Variants in SLF2 observed in about 807,000 individuals in gnomAD.
SLF2 encodes SMC5-SMC6 complex localization factor protein 2.
A neutral mutation model predicts 124.3 loss-of-function variants in SLF2; 68 were observed. The observed-to-expected ratio is 0.55, with a 90% CI of 0.45 to 0.67. The LOEUF (loss-of-function observed/expected upper bound fraction) is 0.67. Ranked by LOEUF, SLF2 falls within the 30% of genes least tolerant of loss-of-function variation. The pLI is 0.00. For synonymous variants in SLF2, 480 were observed against 478.8 expected (o/e 1.00, Z -0.03); for missense variants, 1,246 against 1,373.7 (o/e 0.91, Z 1.47).
At chr10:100,961,469 C>A (rs1373563384) in intron 19 of SLF2, among the ~76,000 whole-genome samples, 1 of 152,178 alleles carries the variant, frequency 6.6e-6, no homozygotes, top group Admixed American at 6.5e-5. Flanking sequence ...TATTTTAAGT[C>A]TTTGAGAAAT....
At position 100,933,586 on chromosome 10, in the gene SLF2, C is replaced by CT. The variant is rs749750808; in HGVS notation, c.2436+2519dup. Among the ~76,000 whole-genome samples, 209 of 145,228 alleles carry CT rather than the reference C, an allele frequency of 1.4e-3. 1 individual carries two copies. The highest frequency in any genetic ancestry group is 3.7e-3 in the African/African-American group (146 of 39,760). On this transcript the variant is annotated intron_variant, in intron 9 of 19. Transcript: ENST00000238961. ...GTAGTAGACCAGAAAAAGGTTAGTACTTTTTTTTTTTAACAATTTTCAAAA... is the reference window on the plus strand; with the variant it reads ...GTAGTAGACCAGAAAAAGGTTAGTACTTTTTTTTTTTTAACAATTTTCAAAA...
chr10:100,955,252 TAAAAAA>T (rs756117577), intron 17 of SLF2, among the ~76,000 whole-genome samples: 1 of 142,216 alleles, frequency 7.0e-6, no homozygotes, highest in Non-Finnish European at 1.5e-5. Context: ...CCCTATCTCT[TAAAAAA>T]AAAAAAAGTC....
In SLF2 at chr10:100,931,038, A is replaced by G; in HGVS notation, c.2396A>G (p.Tyr799Cys). ...TQGFLTSAYH[Y>C]VQCPVPVLKW... The stretch of plus-strand genomic sequence containing the variant: ...GGTTTCCTTACGTCTGCTTATCACT[A>G]TGTCCAGTGTCCTGTCCCTGTGTTA... Residue 799 changes from tyrosine (Y) to cysteine (C), a missense_variant, in exon 9 of 20, where the codon TAT (tyrosine) becomes TGT (cysteine). Around this residue, in one of 3 missense-constraint regions of SLF2, gnomAD observed 535 missense variants for 632.8 expected, o/e 0.85. Transcript: ENST00000238961. 6.2e-7 allele frequency: 1 copy of G among 1,614,088 alleles called. No homozygotes were observed. The highest frequency in any genetic ancestry group is 8.5e-7 in the Non-Finnish European group (1 of 1,179,990).
chr10:100,945,252 A>G (rs1046027540), intron 12 of SLF2, 78 bp from the exon 13 acceptor site: 11 of 1,229,682 alleles, frequency 8.9e-6, no homozygotes, highest in Non-Finnish European at 1.2e-5. Context: ...TCTTTTGTCA[A>G]AAAGAGTTTA....
chr10:100,945,254 AAG>A lies in SLF2; in HGVS notation c.2758-73_2758-72del, dbSNP rs571297737. Reference sequence around the variant, plus strand: ...GTTCTTTTTTGCATCTTTTGTCAAAAAGAGTTTATAATTAAAACTCTAAAAGT... The same window carrying A: ...GTTCTTTTTTGCATCTTTTGTCAAAAAGTTTATAATTAAAACTCTAAAAGT... On this transcript the variant is annotated intron_variant, in intron 12 of 19. Coordinates refer to ENST00000238961, the MANE Select transcript of SLF2 (RefSeq NM_018121.4). The A allele has an allele frequency of 1.3e-4, 161 of 1,226,240 alleles. 2 individuals are homozygous for A. The African/African-American group carries it at 2.1e-3, about 16-fold the overall frequency. 76.0% of individuals were successfully genotyped at this position (1,226,240 alleles called of 1,614,324 possible).
intron 3 of SLF2, among the ~76,000 whole-genome samples, chr10:100,918,096 T>A (rs1338997196): frequency 6.6e-6 from 1 of 152,150 alleles, no homozygotes; most frequent in East Asian, 1.9e-4. Flanking sequence ...AAAAATACAG[T>A]GTTCTAATAT....
rs188330343 is a variant in SLF2, at chr10:100,916,649, G to A, written c.264G>A (p.Gln88=). ...GSRLSITGTE[Q]FERKLSSPKE... is the part of the protein sequence containing the mutation. ...GATTGTCTATCACTGGGACAGAGCA[G>A]TTTGAAAGGAAACTATCCTCACCAA... Residue 88 remains glutamine (Q), a synonymous_variant, in exon 3 of 20, where the codon CAG becomes CAA. Coordinates refer to ENST00000238961, the MANE Select transcript of SLF2 (RefSeq NM_018121.4). The A allele has an allele frequency of 1.2e-5, 18 of 1,522,648 alleles. No individual in the cohort carries two copies. The East Asian group carries it at 4.1e-4, about 34-fold the overall frequency. The allele number at this position is 1,522,648 out of a possible 1,614,324, so 94.3% of individuals were successfully genotyped here. A position where few individuals can be genotyped will look rare whatever the true frequency, so the allele number is the denominator to read the frequency against.
intron 9 of SLF2, among the ~76,000 whole-genome samples, chr10:100,936,383 G>GA (rs1010634503): frequency 2.0e-5 from 3 of 151,774 alleles, no homozygotes; most frequent in African/African-American, 7.3e-5. Flanking sequence ...GCCCAGGCTG[G>GA]AGTGCAGTGG....
At chr10:100,959,625 G>A (rs1018123969) in intron 19 of SLF2, 129 bp downstream of exon 19, 5 of 1,379,000 alleles carry the variant, frequency 3.6e-6, no homozygotes, top group East Asian at 5.2e-5. Flanking sequence ...AACTGAAAAC[G>A]CCAGTATAAT....
In SLF2 at chr10:100,924,965, A is replaced by G. The variant is rs1448408588; in HGVS notation, c.1964A>G (p.Asp655Gly). The change falls in exon 5 of 20, where the codon GAC becomes GGC. Residue 655 changes from aspartate to glycine, a missense_variant. Asp to Gly is a moderately conservative substitution (Grantham distance 94). Coordinates refer to ENST00000238961, the MANE Select transcript of SLF2 (RefSeq NM_018121.4). ...LSKGLRSQSS[D>G]YTGHVHPGTY... ...AAGGGGCTTAGATCTCAGTCATCAGACTATACAGTAAGTAGTTCTGTGACG... is the reference window on the plus strand; with the variant it reads ...AAGGGGCTTAGATCTCAGTCATCAGGCTATACAGTAAGTAGTTCTGTGACG... 3.1e-6 allele frequency: 5 copies of G among 1,611,014 alleles called. No individual in the cohort carries two copies. Among genetic ancestry groups the G allele is most frequent in the Non-Finnish European group, 3.4e-6 (4 of 1,178,968 alleles).
At chr10:100,954,890 GAGCT>G (rs1342412900) in intron 17 of SLF2, among the ~76,000 whole-genome samples, 1 of 151,786 alleles carries the variant, frequency 6.6e-6, no homozygotes, top group Non-Finnish European at 1.5e-5. Flanking sequence ...AAGGTGCAGT[GAGCT>G]ATGATCCCAC....
intron 6 of SLF2, 44 bp from the exon 7 acceptor site, chr10:100,929,273 A>C: frequency 6.5e-7 from 1 of 1,539,234 alleles, no homozygotes; most frequent in East Asian, 2.4e-5. Context: ...CTTTTTAAAA[A>C]TATTTTTAGA....
In SLF2 at chr10:100,945,392, G is replaced by A. The variant is rs776858730; in HGVS notation, c.2820G>A (p.Leu940=). ...EGYQDREIML[L]ILMLFKMSLE... ...ACCAGGATCGTGAAATAATGTTGCT[G>A]ATTTTAATGTTATTTAAAATGAGTT... Residue 940 remains leucine, a synonymous_variant, in exon 13 of 20, where the codon CTG becomes CTA. Coordinates refer to ENST00000238961, the MANE Select transcript of SLF2 (RefSeq NM_018121.4). The A allele has an allele frequency of 6.2e-6, 10 of 1,602,734 alleles. No individual in the cohort carries two copies. Among genetic ancestry groups the A allele is most frequent in the Non-Finnish European group, 8.5e-7 (1 of 1,177,362 alleles).
At chr10:100,961,748 A>C (rs1366852002) in intron 19 of SLF2, 129 bp from the exon 20 acceptor site, 2 of 687,446 alleles carry the variant, frequency 2.9e-6, no homozygotes, top group African/African-American at 3.6e-5. Flanking sequence ...TTTTCAGAGA[A>C]GTCAATATAA....
intron 11 of SLF2, among the ~76,000 whole-genome samples, chr10:100,942,526 G>C (rs1004378733): frequency 2.6e-5 from 4 of 151,966 alleles, no homozygotes; most frequent in African/African-American, 9.7e-5. Flanking sequence ...TAATAGAGAA[G>C]ACAAGAGTTT....
Position 100,918,253 on chromosome 10 carries a change from T to G in SLF2, c.916-131T>G, listed in dbSNP as rs1849458642. The G allele has an allele frequency of 1.8e-5, 9 of 493,394 alleles. No individual in the cohort carries two copies. In the South Asian group the frequency reaches 4.1e-4, roughly 23 times the overall value. 30.6% of individuals were successfully genotyped at this position (493,394 alleles called of 1,614,324 possible). A position where few individuals can be genotyped will look rare whatever the true frequency, so the allele number is the denominator to read the frequency against. ...TCTTTAAATATTTTATTATAGACAT[T>G]AGGATTTACCTCCAAATATGGGTGC... On this transcript the variant is annotated intron_variant, in intron 3 of 19. Coordinates refer to ENST00000238961, the MANE Select transcript of SLF2 (RefSeq NM_018121.4).
chr10:100,914,428 T>C (rs551481043), intron 1 of SLF2, among the ~76,000 whole-genome samples: 4 of 152,332 alleles, frequency 2.6e-5, no homozygotes, highest in African/African-American at 9.6e-5. Context: ...CTTGTATGTT[T>C]TACCCAAAAT....
chr10:100,940,454 G>T (rs1481697185), intron 11 of SLF2, among the ~76,000 whole-genome samples: 1 of 152,016 alleles, frequency 6.6e-6, no homozygotes, highest in Non-Finnish European at 1.5e-5. Context: ...CCACCTCCCA[G>T]CCTCAAGTGA....
At chr10:100,921,899 C>A (rs1201230446) in intron 4 of SLF2, among the ~76,000 whole-genome samples, 1 of 152,016 alleles carries the variant, frequency 6.6e-6, no homozygotes, top group Non-Finnish European at 1.5e-5. Flanking sequence ...ACATTTAACC[C>A]CAGAAAACTG....
Sources: allele counts gnomAD v4.1 joint callset (sites outside exome capture counted in the v4.1 genomes callset), GRCh38; gene constraint gnomAD v4.1.1; regional missense constraint gnomAD v4.1.1; transcripts MANE v1.5; gene names NCBI Gene and HGNC (gene_info 2026-07-23, HGNC 2026-07-21).